Variants in NDUFS1 observed in about 807,000 individuals in gnomAD.
The protein encoded by NDUFS1 is NADH-ubiquinone oxidoreductase 75 kDa subunit, mitochondrial.
A neutral mutation model predicts 84.4 loss-of-function variants in NDUFS1; 61 were observed. The observed-to-expected ratio is 0.72, with a 90% CI of 0.59 to 0.89. The LOEUF (loss-of-function observed/expected upper bound fraction) is 0.89. Among genes scored for constraint, NDUFS1 ranks in the 40% least tolerant of loss-of-function variants. The pLI is 0.00. For missense variants in NDUFS1, 891 were observed against 890.0 expected, an observed-to-expected ratio of 1.00 and a Z score of -0.01; for synonymous variants, 275 against 290.0, an observed-to-expected ratio of 0.95 and a Z score of 0.53.
intron 2 of NDUFS1, among the ~76,000 whole-genome samples, 193 bp from the exon 3 acceptor site, chr2:206,152,703 CTTTTTTT>C (rs71034411): frequency 2.5e-5 from 3 of 121,284 alleles, no homozygotes; most frequent in Admixed American, 1.8e-4. Flanking sequence ...CTTTCTTCTT[CTTTTTTT>C]TTTTTTTTTT....
rs903596537 is a variant in NDUFS1 at position 206,115,235 on chromosome 2, A to G, written c.*8950T>C. On this transcript the variant is annotated 3_prime_UTR_variant, in exon 19 of 19. Transcript: ENST00000233190. ...TTGGGATGGAATGAATTTATTTTGC[A>G]TGTGAGGACATGAATCTGGGGAGCC... 1 of 152,248 alleles carries G rather than the reference A, an allele frequency of 6.6e-6. No individual in the cohort carries two copies. Among genetic ancestry groups the G allele is most frequent in the Non-Finnish European group, 1.5e-5 (1 of 68,072 alleles). 9.4% of individuals were successfully genotyped at this position (152,248 alleles called of 1,614,324 possible).
intron 5 of NDUFS1, 52 bp from the exon 6 acceptor site, chr2:206,147,886 C>T (rs1692221066): frequency 6.7e-7 from 1 of 1,482,118 alleles, no homozygotes; most frequent in Admixed American, 1.7e-5. Flanking sequence ...CACACACTGA[C>T]ATTAACTGCT....
chr2:206,130,021 C>T lies in NDUFS1; in HGVS notation c.1708+67G>A, dbSNP rs1691443089. 6 of 1,586,202 alleles carry T rather than the reference C, an allele frequency of 3.8e-6. No homozygotes were observed. The South Asian group carries it at 4.4e-5, about 12-fold the overall frequency. On this transcript the variant is annotated intron_variant, in intron 15 of 18. Transcript: ENST00000233190. ...AACATTCAGTTCACTAAATATATTA[C>T]TAAATGGTTTCTAACATACATAATG...
At position 206,142,779 on chromosome 2, in the gene NDUFS1, T is replaced by A; in HGVS notation, c.1040A>T (p.Asp347Val). The part of the protein sequence containing the change: ...DVAAIAGGLV[D>V]AEALVALKDL... ...TTTGAGAGCTACCAGGGCTTCAGCA[T>A]CCACCAAGCCACCTGCAATTGCTGC... Residue 347 changes from aspartate to valine, a missense_variant, in exon 11 of 19, where the codon GAT becomes GTT. Physicochemically the swap from Asp to Val is radical, Grantham distance 152. Transcript: ENST00000233190. 6.2e-7 allele frequency: 1 copy of A among 1,614,160 alleles called. No individual in the cohort carries two copies. Among genetic ancestry groups the A allele is most frequent in the Non-Finnish European group, 8.5e-7 (1 of 1,180,028 alleles).
intron 9 of NDUFS1, 21 bp from the exon 10 acceptor site, chr2:206,144,153 C>T: frequency 1.9e-6 from 3 of 1,541,780 alleles, no homozygotes; most frequent in Middle Eastern, 1.7e-4. Flanking sequence ...GAAATTACAC[C>T]ATTGTGGAAT....
chr2:206,149,956 A>G, intron 3 of NDUFS1, 31 bp from the exon 4 acceptor site: 2 of 1,305,716 alleles, frequency 1.5e-6, no homozygotes, highest in Non-Finnish European at 2.2e-6. Flanking sequence ...AAAAAAAAAA[A>G]AAGCATTAGA....
intron 12 of NDUFS1, among the ~76,000 whole-genome samples, chr2:206,138,985 G>A (rs565461950): frequency 2.0e-5 from 3 of 151,918 alleles, no homozygotes; most frequent in South Asian, 2.1e-4. Flanking sequence ...ACATGGTAGC[G>A]CATGCCTGTA....
chr2:206,140,941 T>TACACACACACACACACACACAC (rs757622422), intron 12 of NDUFS1, among the ~76,000 whole-genome samples: 2 of 67,056 alleles, frequency 3.0e-5, no homozygotes, highest in Non-Finnish European at 5.6e-5. Context: ...TATATATATA[T>TACACACACACACACACACACAC]ATACACACAC....
Position 206,149,116 on chromosome 2 carries a change from A to G in NDUFS1, c.262-20T>C. The G allele has an allele frequency of 6.3e-7, 1 of 1,578,258 alleles. No individual in the cohort carries two copies. Among genetic ancestry groups the G allele is most frequent in the South Asian group, 1.1e-5 (1 of 90,050 alleles). Reference sequence around the variant, plus strand: ...TACAACCTGGGATTTCAATGAAAAAAAAAAATGTGTATTTGTATTTATTTG... The same window carrying G: ...TACAACCTGGGATTTCAATGAAAAAGAAAAATGTGTATTTGTATTTATTTG... On this transcript the variant is annotated intron_variant, in intron 4 of 18. Coordinates refer to ENST00000233190, the MANE Select transcript of NDUFS1 (RefSeq NM_005006.7).
Position 206,116,651 on chromosome 2 carries a change from C to G in NDUFS1, c.*7534G>C. 3 of 424,734 alleles carry G rather than the reference C, an allele frequency of 7.1e-6. No individual in the cohort carries two copies. Among genetic ancestry groups the G allele is most frequent in the Non-Finnish European group, 1.3e-5 (3 of 229,392 alleles). The allele number at this position is 424,734 out of a possible 1,614,324, so 26.3% of individuals were successfully genotyped here. A position where few individuals can be genotyped will look rare whatever the true frequency, so the allele number is the denominator to read the frequency against. The stretch of plus-strand genomic sequence containing the variant: ...GTGTAATTCCAGAACTTTGGGAGGT[C>G]AAGGTGGGAGGAGCGCCTGGGCCCA... On this transcript the variant is annotated 3_prime_UTR_variant, in exon 19 of 19. Coordinates refer to ENST00000233190, the MANE Select transcript of NDUFS1 (RefSeq NM_005006.7).
intron 3 of NDUFS1, among the ~76,000 whole-genome samples, chr2:206,150,524 C>T (rs953874908): frequency 9.2e-5 from 14 of 152,186 alleles, no homozygotes; most frequent in Admixed American, 5.2e-4. Flanking sequence ...CATCCTCAGC[C>T]TTCATTCTAA....
rs1692298009 is a variant in NDUFS1, at chr2:206,149,821, A to G, written c.258T>C (p.Pro86=). 1.2e-6 allele frequency: 2 copies of G among 1,603,400 alleles called. No homozygotes were observed. Among genetic ancestry groups the G allele is most frequent in the African/African-American group, 1.3e-5 (1 of 74,240 alleles). ...RMCLVEIEKA[P]KVVAACAMPV... ...TAGAATTTTAGGTATCAAGTACCTT[A>G]GGGGCTTTCTCAATTTCAACAAGGC... is the stretch of plus-strand genomic sequence containing the variant. The change falls in exon 4 of 19, where the codon CCT becomes CCC. Residue 86 remains proline, a synonymous_variant. Transcript: ENST00000233190.
chr2:206,148,349 G>A (rs1054860261), intron 5 of NDUFS1, among the ~76,000 whole-genome samples: 7 of 152,154 alleles, frequency 4.6e-5, no homozygotes, highest in African/African-American at 1.4e-4. Flanking sequence ...TTAAGAGACG[G>A]GGTCTTGCTA....
intron 18 of NDUFS1, 33 bp downstream of exon 18, chr2:206,126,506 G>A (rs567648334): frequency 6.3e-6 from 10 of 1,590,362 alleles, no homozygotes; most frequent in South Asian, 4.4e-5. Flanking sequence ...CTTACCTTTC[G>A]TATTTGGCAG....
chr2:206,123,714 T>C lies in NDUFS1; in HGVS notation c.*471A>G, dbSNP rs907652771. 6.4e-6 allele frequency: 1 copy of C among 155,650 alleles called. No individual in the cohort carries two copies. Among genetic ancestry groups the C allele is most frequent in the Non-Finnish European group, 1.4e-5 (1 of 70,436 alleles). The allele number at this position is 155,650 out of a possible 1,614,324, so 9.6% of individuals were successfully genotyped here. On this transcript the variant is annotated 3_prime_UTR_variant, in exon 19 of 19. Coordinates refer to ENST00000233190, the MANE Select transcript of NDUFS1 (RefSeq NM_005006.7). ...AAAGCTAAATTATCATTAGCCATTGTTACTATGATTATTATTAATTATAAT... is the reference window on the plus strand; with the variant it reads ...AAAGCTAAATTATCATTAGCCATTGCTACTATGATTATTATTAATTATAAT...
Position 206,119,612 on chromosome 2 carries a change from C to T in NDUFS1, c.*4573G>A, listed in dbSNP as rs549359043. 1 of 152,174 alleles carries T rather than the reference C, an allele frequency of 6.6e-6. No homozygotes were observed. The highest frequency in any genetic ancestry group is 2.1e-4 in the South Asian group (1 of 4,810). 9.4% of individuals were successfully genotyped at this position (152,174 alleles called of 1,614,324 possible). A position where few individuals can be genotyped will look rare whatever the true frequency, so the allele number is the denominator to read the frequency against. On this transcript the variant is annotated 3_prime_UTR_variant, in exon 19 of 19. Coordinates refer to ENST00000233190, the MANE Select transcript of NDUFS1 (RefSeq NM_005006.7). The stretch of plus-strand genomic sequence containing the variant: ...ATTTTTAGTAGAGACAGAGTTTCAC[C>T]ATGTCGGACAGGCTGGTCTCGAAAA...
At chr2:206,135,104 C>A (rs1691659442) in intron 13 of NDUFS1, among the ~76,000 whole-genome samples, 1 of 152,082 alleles carries the variant, frequency 6.6e-6, no homozygotes, top group South Asian at 2.1e-4. Context: ...CTGTGACCTC[C>A]ACCTCCCAGG....
At chr2:206,137,484 G>A (rs6706590) in intron 13 of NDUFS1, among the ~76,000 whole-genome samples, 90,752 of 149,128 alleles carry the variant, frequency 0.61, 28,303 homozygotes, top group African/African-American at 0.77. Flanking sequence ...CAAGGAAAAA[G>A]AAAAAAAAAG....
intron 3 of NDUFS1, among the ~76,000 whole-genome samples, chr2:206,150,856 T>C (rs1346982621): frequency 1.3e-5 from 2 of 152,158 alleles, no homozygotes; most frequent in African/African-American, 2.4e-5. Flanking sequence ...CTCCGGTCTC[T>C]TTGAGTTCTA....
Sources: allele counts gnomAD v4.1 joint callset (sites outside exome capture counted in the v4.1 genomes callset), GRCh38; gene constraint gnomAD v4.1.1; transcripts MANE v1.5; gene names NCBI Gene and HGNC (gene_info 2026-07-23, HGNC 2026-07-21).